Variants in RPS6KA6 observed in about 807,000 individuals in gnomAD.
RPS6KA6 encodes the protein ribosomal protein S6 kinase alpha-6.
RPS6KA6 carries 27 observed loss-of-function variants against 65.4 expected under a neutral mutation model. The observed-to-expected ratio is 0.41, with a 90% CI of 0.30 to 0.57. RPS6KA6 has a LOEUF of 0.57. RPS6KA6 is among the 20% of genes least tolerant of loss of function. The pLI is 0.24. For missense variants in RPS6KA6, 486 were observed against 555.6 expected (o/e 0.87, Z 1.26); for synonymous variants, 190 against 184.2 (o/e 1.03, Z -0.26).
chrX:84,088,676 C>A, intron 20 of RPS6KA6, among the ~76,000 whole-genome samples: 1 of 112,004 alleles, frequency 8.9e-6, no homozygotes, highest in Non-Finnish European at 1.9e-5. Flanking sequence ...TTGGGGGAAC[C>A]CTTCCTTGTC....
intron 12 of RPS6KA6, among the ~76,000 whole-genome samples, chrX:84,112,229 T>C (rs1465989024): frequency 9.0e-6 from 1 of 111,445 alleles, no homozygotes; most frequent in Non-Finnish European, 1.9e-5. Context: ...AATACAATAA[T>C]AGTGGGGGAC....
chrX:84,137,284 C>T (rs1251254462), intron 6 of RPS6KA6, among the ~76,000 whole-genome samples: 3 of 111,647 alleles, frequency 2.7e-5, no homozygotes, highest in African/African-American at 6.5e-5. Context: ...GTCTTTAAAA[C>T]TTATTTATAA....
At position 84,129,686 on chromosome X, in the gene RPS6KA6, G is replaced by A. The variant is rs2034860818; in HGVS notation, c.646+5096C>T. The stretch of plus-strand genomic sequence containing the variant: ...CATCCATAAAAAAGAGTAAGAACCT[G>A]TCATCTGCATTGTGAGTGGAACTGG... On this transcript the variant is annotated intron_variant, in intron 8 of 21. Transcript: ENST00000262752. Among the ~76,000 whole-genome samples, 3 of 111,640 alleles carry A rather than the reference G, an allele frequency of 2.7e-5. No individual in the cohort carries two copies. In the South Asian group the frequency reaches 1.1e-3, roughly 42 times the overall value.
chrX:84,144,514 G>T (rs993246964), intron 6 of RPS6KA6, among the ~76,000 whole-genome samples: 1 of 111,023 alleles, frequency 9.0e-6, no homozygotes, highest in African/African-American at 3.3e-5. Context: ...AATTTTAAAA[G>T]ACTGACCATA....
rs781616040 is a variant in RPS6KA6, at chrX:84,064,928, G to A, written c.2112+43C>T. 1.9e-5 allele frequency: 20 copies of A among 1,076,502 alleles called. 1 individual carries two copies. The highest frequency in any genetic ancestry group is 2.4e-5 in the Non-Finnish European group (19 of 780,325). 88.7% of individuals were successfully genotyped at this position (1,076,502 alleles called of 1,213,427 possible). A position where few individuals can be genotyped will look rare whatever the true frequency, so the allele number is the denominator to read the frequency against. ...AAGTGGCACACAATGGGTTTATTAGGTATCTGATATCTCGAAGGCACATAA... is the reference window on the plus strand; with the variant it reads ...AAGTGGCACACAATGGGTTTATTAGATATCTGATATCTCGAAGGCACATAA... On this transcript the variant is annotated intron_variant, in intron 21 of 21. Coordinates refer to ENST00000262752, the MANE Select transcript of RPS6KA6 (RefSeq NM_014496.5).
rs2034386089 is a variant in RPS6KA6 at position 84,107,609 on chromosome X, T to C, written c.1111+14A>G. 4.9e-6 allele frequency: 5 copies of C among 1,023,007 alleles called. No homozygotes were observed. The highest frequency in any genetic ancestry group is 6.8e-6 in the Non-Finnish European group (5 of 736,698). The allele number at this position is 1,023,007 out of a possible 1,213,427, so 84.3% of individuals were successfully genotyped here. The stretch of plus-strand genomic sequence containing the variant: ...TAAATAAAATCTCTGATTTTACAGA[T>C]AAACATGCATTACCTTTAGGTGTTT... On this transcript the variant is annotated intron_variant, in intron 13 of 21. Coordinates refer to ENST00000262752, the MANE Select transcript of RPS6KA6 (RefSeq NM_014496.5).
chrX:84,090,690 G>A (rs1055018019), intron 20 of RPS6KA6, among the ~76,000 whole-genome samples: 2 of 111,273 alleles, frequency 1.8e-5, no homozygotes, highest in Admixed American at 9.5e-5. Flanking sequence ...ACTATCACGC[G>A]AACAACATGG....
At chrX:84,122,392 CAG>C (rs1387213343) in intron 8 of RPS6KA6, among the ~76,000 whole-genome samples, 1 of 59,977 alleles carries the variant, frequency 1.7e-5, no homozygotes, top group African/African-American at 7.2e-5. Flanking sequence ...TTTTTTGAGA[CAG>C]AGTCTTGCTC....
At chrX:84,161,881 A>T (rs1465991362) in intron 2 of RPS6KA6, among the ~76,000 whole-genome samples, 4 of 112,068 alleles carry the variant, frequency 3.6e-5, no homozygotes, top group Non-Finnish European at 1.9e-5. Context: ...TCTAATTGCT[A>T]ACTGAATATT....
At chrX:84,071,310 T>C (rs946229965) in intron 20 of RPS6KA6, among the ~76,000 whole-genome samples, 9 of 111,989 alleles carry the variant, frequency 8.0e-5, no homozygotes, top group Non-Finnish European at 1.5e-4. Flanking sequence ...AAGCACTGGA[T>C]GAAAATCAGG....
chrX:84,116,337 G>T, intron 11 of RPS6KA6, 50 bp from the exon 12 acceptor site: 2 of 706,990 alleles, frequency 2.8e-6, no homozygotes, highest in Admixed American at 3.6e-5. Flanking sequence ...TTTTAGTCTT[G>T]CTCCCTGGCT....
At chrX:84,114,997 A>G (rs925355386) in intron 12 of RPS6KA6, among the ~76,000 whole-genome samples, 2 of 112,298 alleles carry the variant, frequency 1.8e-5, no homozygotes, top group African/African-American at 6.5e-5. Context: ...ATGTGAAACT[A>G]CAAAGGTCCT....
At chrX:84,158,890 G>A (rs1309245683) in intron 2 of RPS6KA6, among the ~76,000 whole-genome samples, 1 of 111,401 alleles carries the variant, frequency 9.0e-6, no homozygotes, top group African/African-American at 3.3e-5. Flanking sequence ...TTGTGGTTCA[G>A]TAGAACTACA....
intron 8 of RPS6KA6, among the ~76,000 whole-genome samples, chrX:84,131,427 GTA>G (rs2034895789): frequency 8.9e-6 from 1 of 112,045 alleles, no homozygotes; most frequent in African/African-American, 3.2e-5. Context: ...TGTTCTCTCT[GTA>G]TACTGAAACT....
chrX:84,132,087 C>T (rs2147506535), intron 8 of RPS6KA6, among the ~76,000 whole-genome samples: 1 of 111,697 alleles, frequency 9.0e-6, no homozygotes, highest in African/African-American at 3.2e-5. Flanking sequence ...TATTTTTCTT[C>T]CCTCTCTTTG....
intron 6 of RPS6KA6, among the ~76,000 whole-genome samples, chrX:84,140,141 G>T (rs777074972): frequency 9.0e-6 from 1 of 111,548 alleles, no homozygotes; most frequent in Non-Finnish European, 1.9e-5. Flanking sequence ...CGAAGGGTTA[G>T]AGGAACCAGT....
At chrX:84,125,275 T>TG (rs1319198955) in intron 8 of RPS6KA6, among the ~76,000 whole-genome samples, 2 of 111,983 alleles carry the variant, frequency 1.8e-5, no homozygotes, top group African/African-American at 6.5e-5. Context: ...GCTGTCATTG[T>TG]GGGGTATAAA....
chrX:84,169,130 A>G (rs1274341379), intron 1 of RPS6KA6, among the ~76,000 whole-genome samples: 2 of 112,209 alleles, frequency 1.8e-5, no homozygotes, highest in African/African-American at 6.5e-5. Context: ...AAAATTCTAC[A>G]TATGATTCTG....
chrX:84,156,007 C>A (rs72549427), intron 3 of RPS6KA6, 68 bp downstream of exon 3: 7,927 of 569,858 alleles, frequency 0.014, 68 homozygotes, highest in Non-Finnish European at 0.019. Context: ...CAGATTTCTA[C>A]GTATGTGTTC....
Sources: allele counts gnomAD v4.1 joint callset (sites outside exome capture counted in the v4.1 genomes callset), GRCh38; gene constraint gnomAD v4.1.1; transcripts MANE v1.5; gene names NCBI Gene and HGNC (gene_info 2026-07-23, HGNC 2026-07-21).